The following CFAP299 variants were observed in gnomAD, a reference collection of about 807,000 sequenced individuals.
CFAP299 encodes cilia and flagella associated protein 299, also known as cilia- and flagella-associated protein 299.
In CFAP299, 21 loss-of-function variants were observed where a neutral mutation model predicts 27.0. The observed-to-expected ratio is 0.78, with a 90% confidence interval of 0.55 to 1.12. The LOEUF is 1.12. Ranked by LOEUF, CFAP299 falls within the 50% of genes most tolerant of loss-of-function variation. The pLI, the probability that CFAP299 is intolerant of heterozygous loss-of-function variation, is 0.00. For synonymous variants in CFAP299, 104 were observed against 98.1 expected (o/e 1.06, Z -0.36); for missense variants, 310 against 276.6 (o/e 1.12, Z -0.86).
intron 3 of CFAP299, among the ~76,000 whole-genome samples, chr4:80,714,119 T>G (rs1722338608): frequency 1.3e-5 from 2 of 152,136 alleles, no homozygotes; most frequent in Non-Finnish European, 2.9e-5. Flanking sequence ...GTCTCGCTCC[T>G]TGAGGGAAGA....
chr4:80,880,933 G>A (rs1733669914), intron 4 of CFAP299, among the ~76,000 whole-genome samples: 1 of 152,148 alleles, frequency 6.6e-6, no homozygotes, highest in African/African-American at 2.4e-5. Context: ...TTTGCAGGGT[G>A]CCCTTCTTGC....
At chr4:80,502,671 C>CT (rs1179775115) in intron 2 of CFAP299, among the ~76,000 whole-genome samples, 3 of 151,934 alleles carry the variant, frequency 2.0e-5, no homozygotes, top group African/African-American at 7.2e-5. Context: ...TCCGTGGATT[C>CT]TTTTTTTGGC....
At chr4:80,591,898 T>C (rs1736807407) in intron 3 of CFAP299, among the ~76,000 whole-genome samples, 4 of 152,220 alleles carry the variant, frequency 2.6e-5, no homozygotes, top group Admixed American at 2.0e-4. Context: ...GTATGGTTTA[T>C]TTTTAACAAA....
chr4:80,417,965 C>T (rs547193990), intron 2 of CFAP299, among the ~76,000 whole-genome samples: 1 of 152,286 alleles, frequency 6.6e-6, no homozygotes, highest in South Asian at 2.1e-4. Flanking sequence ...ACTAGATCTG[C>T]TGGCACCTTG....
rs559737694 is a variant in CFAP299, at chr4:80,821,043, A to G, written c.334-48950A>G. On this transcript the variant is annotated intron_variant, in intron 3 of 5. Transcript: ENST00000358105. ...GGTCCAGAATATTATTAGAGTAGTT[A>G]TCAGGAAAAGTGTCAAAGATGATCA... is the stretch of plus-strand genomic sequence containing the variant. Among the ~76,000 whole-genome samples the G allele has an allele frequency of 3.9e-5, 6 of 152,320 alleles. No individual in the cohort carries two copies. The South Asian group carries it at 1.2e-3, about 32-fold the overall frequency.
chr4:80,949,494 A>G (rs189936885), intron 5 of CFAP299, among the ~76,000 whole-genome samples: 1 of 151,840 alleles, frequency 6.6e-6, no homozygotes, highest in East Asian at 1.9e-4. Context: ...TAGAAATTGA[A>G]CTAGATGCTC....
intron 2 of CFAP299, chr4:80,386,468 A>G (rs1338395572): frequency 1.3e-6 from 2 of 1,536,832 alleles, no homozygotes; most frequent in African/African-American, 1.4e-5. Flanking sequence ...TGCGCCCACC[A>G]CTGCCGCCAC....
intron 1 of CFAP299, among the ~76,000 whole-genome samples, chr4:80,358,202 T>C (rs1723365779): frequency 6.6e-6 from 1 of 152,138 alleles, no homozygotes; most frequent in Non-Finnish European, 1.5e-5. Flanking sequence ...GTCCAAGATA[T>C]TGTTTGTTAT....
chr4:80,515,071 A>G (rs935408197), intron 2 of CFAP299, among the ~76,000 whole-genome samples: 1 of 152,148 alleles, frequency 6.6e-6, no homozygotes, highest in African/African-American at 2.4e-5. Context: ...AAATATAAAA[A>G]AACTGCATGC....
intron 2 of CFAP299, among the ~76,000 whole-genome samples, chr4:80,416,144 G>A (rs951241708): frequency 6.6e-6 from 1 of 152,182 alleles, no homozygotes; most frequent in Non-Finnish European, 1.5e-5. Flanking sequence ...TAGAAGACCA[G>A]GTGACACCCA....
At chr4:80,799,494 A>AT (rs1389120615) in intron 3 of CFAP299, among the ~76,000 whole-genome samples, 1 of 80,534 alleles carries the variant, frequency 1.2e-5, no homozygotes, top group African/African-American at 5.3e-5. Context: ...AAATATATAT[A>AT]ATATATTTTA....
chr4:80,836,712 A>G (rs978505240), intron 3 of CFAP299, among the ~76,000 whole-genome samples: 3 of 152,120 alleles, frequency 2.0e-5, no homozygotes, highest in African/African-American at 7.2e-5. Context: ...ACATATTTAG[A>G]GGTTCTGGAG....
intron 2 of CFAP299, among the ~76,000 whole-genome samples, chr4:80,489,814 G>T (rs1731022501): frequency 6.6e-6 from 1 of 152,124 alleles, no homozygotes; most frequent in Admixed American, 6.5e-5. Flanking sequence ...TTTTGTTTTT[G>T]TTGACCATTA....
At chr4:80,767,814 CTT>C (rs1213663974) in intron 3 of CFAP299, among the ~76,000 whole-genome samples, 1 of 152,068 alleles carries the variant, frequency 6.6e-6, no homozygotes, top group Admixed American at 6.6e-5. Flanking sequence ...TATTGGATGA[CTT>C]TCATTCTTTT....
intron 3 of CFAP299, among the ~76,000 whole-genome samples, chr4:80,843,492 A>G (rs1014088836): frequency 1.1e-4 from 16 of 152,006 alleles, no homozygotes; most frequent in African/African-American, 2.4e-5. Flanking sequence ...TTGGACATTT[A>G]GGTTGGTTCC....
intron 3 of CFAP299, among the ~76,000 whole-genome samples, chr4:80,623,101 T>C (rs895212219): frequency 6.6e-6 from 1 of 152,020 alleles, no homozygotes; most frequent in African/African-American, 2.4e-5. Context: ...TATGCTTCTG[T>C]TCTACACTCA....
At chr4:80,593,741 T>A (rs1736905948) in intron 3 of CFAP299, among the ~76,000 whole-genome samples, 1 of 152,184 alleles carries the variant, frequency 6.6e-6, no homozygotes, top group Non-Finnish European at 1.5e-5. Context: ...CTGCTTACTT[T>A]GGTTTTTGCT....
intron 2 of CFAP299, among the ~76,000 whole-genome samples, chr4:80,538,178 G>A (rs1289243073): frequency 1.3e-5 from 2 of 151,914 alleles, no homozygotes; most frequent in East Asian, 3.9e-4. Flanking sequence ...TAACAAACCT[G>A]CATTGCTAGT....
chr4:80,653,215 A>T (rs974409586), intron 3 of CFAP299, among the ~76,000 whole-genome samples: 3 of 152,114 alleles, frequency 2.0e-5, no homozygotes, highest in Non-Finnish European at 4.4e-5. Context: ...TCTGTCCCAC[A>T]TTTTGACAAA....
Sources: allele counts gnomAD v4.1 joint callset (sites outside exome capture counted in the v4.1 genomes callset), GRCh38; gene constraint gnomAD v4.1.1; transcripts MANE v1.5; gene names NCBI Gene and HGNC (gene_info 2026-07-23, HGNC 2026-07-21).